SLC25A16: variants seen among roughly 807,000 people sequenced by gnomAD.
The protein encoded by SLC25A16 is mitochondrial coenzyme A transporter SLC25A16.
SLC25A16 carries 39 observed loss-of-function variants against 41.5 expected under a neutral mutation model. The observed-to-expected ratio is 0.94, with a 90% CI of 0.73 to 1.23. The LOEUF is 1.23. Among genes scored for constraint, SLC25A16 ranks in the 50% most tolerant of loss-of-function variants. The pLI, the probability that SLC25A16 is intolerant of heterozygous loss-of-function variation, is 0.00. For synonymous variants in SLC25A16, 146 were observed against 147.8 expected (o/e 0.99, Z 0.09); for missense variants, 421 against 426.9 (o/e 0.99, Z 0.12).
At chr10:68,518,390 C>T (rs2053195414) in intron 1 of SLC25A16, among the ~76,000 whole-genome samples, 1 of 151,836 alleles carries the variant, frequency 6.6e-6, no homozygotes, top group Non-Finnish European at 1.5e-5. Flanking sequence ...TGCACTCCAG[C>T]CTGGGTTACA....
rs775624293 is a variant in SLC25A16 at position 68,483,574 on chromosome 10, G to A, written c.857C>T (p.Thr286Ile). The A allele has an allele frequency of 6.2e-7, 1 of 1,607,262 alleles. No individual in the cohort carries two copies. The highest frequency in any genetic ancestry group is 1.1e-5 in the South Asian group (1 of 89,326). The change falls in exon 9 of 9, where the codon ACT (threonine) becomes ATT (isoleucine). Residue 286 changes from threonine (T) to isoleucine (I), a missense_variant. Physicochemically the swap from Thr to Ile is moderately conservative, Grantham distance 89. Transcript: ENST00000609923. Reference sequence around the variant, plus strand: ...ATGGTGTCCATAGACATACTTCATAGTATCCCGCATGGTACTGAAAGACAA... The same window carrying A: ...ATGGTGTCCATAGACATACTTCATAATATCCCGCATGGTACTGAAAGACAA... ...EFEKCLTMRD[T>I]MKYVYGHHGI...
rs1969758 is a variant in SLC25A16, at chr10:68,480,687, A to G, written c.*2745T>C. 0.96 allele frequency: 146,364 copies of G among 151,778 alleles called. 70,621 individuals carry two copies. Among genetic ancestry groups the G allele is most frequent in the African/African-American group, 0.99 (40,971 of 41,408 alleles). The allele number at this position is 151,778 out of a possible 1,614,324, so 9.4% of individuals were successfully genotyped here. On this transcript the variant is annotated 3_prime_UTR_variant, in exon 9 of 9. Transcript: ENST00000609923. ...AATTTTTTGTATTTTTAGTAGAGATAGGTTTTCACCGTGTTAGCCACAATG... is the reference window on the plus strand; with the variant it reads ...AATTTTTTGTATTTTTAGTAGAGATGGGTTTTCACCGTGTTAGCCACAATG...
At position 68,493,195 on chromosome 10, in the gene SLC25A16, C is replaced by T; in HGVS notation, c.547G>A (p.Gly183Ser). ...CCTCTGTAAAATCCAAAGAAACCAC[C>T]TTCCTTTTGAGTGAAGGAAAATTGC... ...HAFKTIYAKE[G>S]GFFGFYRGLM... Residue 183 changes from glycine to serine, a missense_variant, in exon 6 of 9, where the codon GGT becomes AGT. Gly to Ser is a moderately conservative substitution (Grantham distance 56). Coordinates refer to ENST00000609923, the MANE Select transcript of SLC25A16 (RefSeq NM_152707.4). 3 of 1,589,706 alleles carry T rather than the reference C, an allele frequency of 1.9e-6. No homozygotes were observed. The highest frequency in any genetic ancestry group is 2.6e-6 in the Non-Finnish European group (3 of 1,169,398).
chr10:68,497,539 G>A (rs1238688985), intron 4 of SLC25A16, among the ~76,000 whole-genome samples: 1 of 151,558 alleles, frequency 6.6e-6, no homozygotes, highest in African/African-American at 2.4e-5. Flanking sequence ...ACACTCATGA[G>A]CCACAATAGA....
At chr10:68,502,995 A>G (rs12764624) in intron 4 of SLC25A16, among the ~76,000 whole-genome samples, 104,562 of 140,914 alleles carry the variant, frequency 0.74, 40,231 homozygotes, top group East Asian at 0.86. Context: ...GGAAGAGGAG[A>G]GAGAAGAGAG....
At chr10:68,519,209 C>T (rs2053210873) in intron 1 of SLC25A16, among the ~76,000 whole-genome samples, 1 of 151,554 alleles carries the variant, frequency 6.6e-6, no homozygotes, top group African/African-American at 2.4e-5. Flanking sequence ...CAAAAAAAGG[C>T]TGGGCGCAGT....
chr10:68,503,497 C>T (rs1415014645), intron 4 of SLC25A16, 135 bp downstream of exon 4: 3 of 510,316 alleles, frequency 5.9e-6, no homozygotes, highest in Non-Finnish European at 1.1e-5. Context: ...TGAGGATGCA[C>T]CCAGGAAAAA....
At chr10:68,494,807 A>T (rs898870324) in intron 4 of SLC25A16, among the ~76,000 whole-genome samples, 1 of 151,024 alleles carries the variant, frequency 6.6e-6, no homozygotes, top group Non-Finnish European at 1.5e-5. Context: ...AACCCTCAGG[A>T]GGCGGAGGTT....
rs920179637 is a variant in SLC25A16, at chr10:68,488,483, T to C, written c.757A>G (p.Ile253Val). The C allele has an allele frequency of 2.6e-6, 4 of 1,549,934 alleles. No homozygotes were observed. The highest frequency in any genetic ancestry group is 1.4e-5 in the African/African-American group (1 of 71,258). ...GAAACTTACGATATTGTCTGCGCTA[T>C]TGCTCCAGCAACACCACCACAAAGT... Reference protein sequence around the residue: ...NLLCGGVAGAIAQTISYPFDV... With the variant: ...NLLCGGVAGAVAQTISYPFDV... Residue 253 changes from isoleucine to valine, a missense_variant, in exon 7 of 9, where the codon ATA (isoleucine) becomes GTA (valine). Ile to Val is a conservative substitution (Grantham distance 29). Transcript: ENST00000609923.
intron 1 of SLC25A16, among the ~76,000 whole-genome samples, chr10:68,526,395 C>T (rs376701980): frequency 6.6e-6 from 1 of 152,042 alleles, no homozygotes; most frequent in Non-Finnish European, 1.5e-5. Flanking sequence ...GTCTGCTGAC[C>T]CTCTCCCCAC....
chr10:68,509,954 G>A (rs1435181916), intron 2 of SLC25A16, among the ~76,000 whole-genome samples: 11 of 151,734 alleles, frequency 7.2e-5, no homozygotes, highest in African/African-American at 1.7e-4. Context: ...GCACATGCCC[G>A]TAATCCCAGC....
Position 68,511,410 on chromosome 10 carries a change from C to T in SLC25A16, c.224-4692G>A, listed in dbSNP as rs1372743849. ...ATATGCCTTGTAGGGTATACTGTAA[C>T]CAGGGTACACTGTAACCCACGGCAT... is the stretch of plus-strand genomic sequence containing the variant. On this transcript the variant is annotated intron_variant, in intron 2 of 8. Transcript: ENST00000609923. Among the ~76,000 whole-genome samples the T allele has an allele frequency of 2.0e-5, 3 of 152,048 alleles. No individual in the cohort carries two copies. The East Asian group carries it at 5.8e-4, about 29-fold the overall frequency.
chr10:68,494,479 A>C (rs1406354087), intron 4 of SLC25A16, among the ~76,000 whole-genome samples: 1 of 21,434 alleles, frequency 4.7e-5, no homozygotes, highest in Non-Finnish European at 8.6e-5. Context: ...AAAGGAGGGG[A>C]GGGGAGGGAA....
chr10:68,524,685 GCTACA>G (rs2053306655), intron 1 of SLC25A16, among the ~76,000 whole-genome samples: 2 of 145,018 alleles, frequency 1.4e-5, no homozygotes, highest in South Asian at 2.2e-4. Context: ...TCCAGCCTGG[GCTACA>G]TAGTGAGACT....
rs1252837716 is a variant in SLC25A16 at position 68,502,556 on chromosome 10, C to T, written c.421+1076G>A. 3.3e-5 allele frequency among the ~76,000 whole-genome samples: 5 copies of T among 151,020 alleles called. No individual in the cohort carries two copies. In the East Asian group the frequency reaches 9.8e-4, roughly 30 times the overall value. On this transcript the variant is annotated intron_variant, in intron 4 of 8. Coordinates refer to ENST00000609923, the MANE Select transcript of SLC25A16 (RefSeq NM_152707.4). Reference sequence around the variant, plus strand: ...ACCAGCCTGGGCAACATGACAAATGCCCGTCTCTACAGAGAATACAAAAAT... The same window carrying T: ...ACCAGCCTGGGCAACATGACAAATGTCCGTCTCTACAGAGAATACAAAAAT...
intron 7 of SLC25A16, among the ~76,000 whole-genome samples, chr10:68,487,662 C>G (rs906082507): frequency 6.6e-6 from 1 of 152,182 alleles, no homozygotes. Context: ...ACTCTCCCAG[C>G]TGTGACAACC....
At chr10:68,512,638 CAAAA>C (rs1163431016) in intron 2 of SLC25A16, among the ~76,000 whole-genome samples, 242 of 17,104 alleles carry the variant, frequency 0.014, 1 homozygote, top group African/African-American at 0.059. Flanking sequence ...GACTCCGTCT[CAAAA>C]AAAAAAAAAA....
chr10:68,527,472 C>G lies in SLC25A16; in HGVS notation c.-97G>C. On this transcript the variant is annotated 5_prime_UTR_variant, in exon 1 of 9. Transcript: ENST00000609923. ...GGCGGTGACAGGAGGCTGACCGCCC[C>G]GCCGGCGGGGCAAAGTAACACCCGG... 8.0e-7 allele frequency: 1 copy of G among 1,256,628 alleles called. No individual in the cohort carries two copies. Among genetic ancestry groups the G allele is most frequent in the Non-Finnish European group, 1.0e-6 (1 of 959,404 alleles). The allele number at this position is 1,256,628 out of a possible 1,614,324, so 77.8% of individuals were successfully genotyped here. A position where few individuals can be genotyped will look rare whatever the true frequency, so the allele number is the denominator to read the frequency against.
intron 2 of SLC25A16, among the ~76,000 whole-genome samples, chr10:68,508,334 C>T (rs1200309759): frequency 7.0e-6 from 1 of 142,106 alleles, no homozygotes; most frequent in African/African-American, 2.6e-5. Flanking sequence ...GAGTTCATAC[C>T]AATAAAACTG....
Sources: allele counts gnomAD v4.1 joint callset (sites outside exome capture counted in the v4.1 genomes callset), GRCh38; gene constraint gnomAD v4.1.1; transcripts MANE v1.5; gene names NCBI Gene and HGNC (gene_info 2026-07-23, HGNC 2026-07-21).